TBCK: variants seen among roughly 807,000 people sequenced by gnomAD.
TBCK encodes the protein TBC1 domain containing kinase, also known as TBC domain-containing protein kinase-like protein.
A neutral mutation model predicts 113.4 loss-of-function variants in TBCK; 99 were observed. That is an observed-to-expected ratio of 0.87 (90% confidence interval 0.74 to 1.03). The LOEUF (loss-of-function observed/expected upper bound fraction) is 1.03. Ranked by LOEUF, TBCK falls within the 50% of genes least tolerant of loss-of-function variation. TBCK has a pLI of 0.00. For missense variants in TBCK, 1,045 were observed against 1,061.3 expected (o/e 0.98, Z 0.21); for synonymous variants, 369 against 370.8 (o/e 1.00, Z 0.05).
At chr4:106,207,185 GA>G (rs1364365520) in intron 20 of TBCK, among the ~76,000 whole-genome samples, 1 of 152,110 alleles carries the variant, frequency 6.6e-6, no homozygotes, top group Non-Finnish European at 1.5e-5. Context: ...TAACTACCAT[GA>G]AATGTATAAT....
chr4:106,247,131 A>C lies in TBCK; in HGVS notation c.931+8T>G. The C allele has an allele frequency of 6.2e-7, 1 of 1,606,564 alleles. No individual in the cohort carries two copies. ...CATATTATTCTCTATGCTTTAATTTATCATTACCTTTACACAACTGACTGA... is the reference window on the plus strand; with the variant it reads ...CATATTATTCTCTATGCTTTAATTTCTCATTACCTTTACACAACTGACTGA... On this transcript the variant is annotated splice_region_variant and intron_variant, in intron 10 of 25. Coordinates refer to ENST00000394708, the MANE Select transcript of TBCK (RefSeq NM_001163435.3).
chr4:106,097,771 T>G (rs1240264884), intron 24 of TBCK, among the ~76,000 whole-genome samples: 1 of 152,100 alleles, frequency 6.6e-6, no homozygotes, highest in Non-Finnish European at 1.5e-5. Context: ...GGTGAATACT[T>G]TTTTCACTTG....
chr4:106,115,096 TAATA>T (rs1216002384), intron 24 of TBCK, among the ~76,000 whole-genome samples: 26 of 152,234 alleles, frequency 1.7e-4, no homozygotes, highest in African/African-American at 6.3e-4. Context: ...ATGAATTACT[TAATA>T]AAGTCTGTAA....
At chr4:106,254,270 T>A (rs967945757) in intron 5 of TBCK, among the ~76,000 whole-genome samples, 1 of 152,190 alleles carries the variant, frequency 6.6e-6, no homozygotes, top group African/African-American at 2.4e-5. Context: ...ACAAGCACAG[T>A]AAACTAGCCT....
chr4:106,272,133 T>G (rs1763555430), intron 3 of TBCK, among the ~76,000 whole-genome samples: 1 of 148,284 alleles, frequency 6.7e-6, no homozygotes, highest in African/African-American at 2.4e-5. Flanking sequence ...GGTTTTAGAT[T>G]TAAACAGAAC....
At chr4:106,065,411 G>A (rs1736526152) in intron 25 of TBCK, among the ~76,000 whole-genome samples, 1 of 151,946 alleles carries the variant, frequency 6.6e-6, no homozygotes, top group Non-Finnish European at 1.5e-5. Flanking sequence ...TTTAAAAAAC[G>A]ATTATTTTTG....
intron 20 of TBCK, among the ~76,000 whole-genome samples, chr4:106,195,048 GTTTTCTGTATGTCACTTTTCT>G (rs1474762727): frequency 6.6e-6 from 1 of 151,958 alleles, no homozygotes; most frequent in Non-Finnish European, 1.5e-5. Context: ...CCTCACTTTT[GTTTTCTGTATGTCACTTTTCT>G]TTTTCTGTCC....
In TBCK at chr4:106,210,469, C is replaced by A. The variant is rs533233363; in HGVS notation, c.1860+2281G>T. ...TATCCAGAAAACAGTAATAGGCTAA[C>A]TTATAAGCTTTCAAGGAGGGTACAA... On this transcript the variant is annotated intron_variant, in intron 20 of 25. Coordinates refer to ENST00000394708, the MANE Select transcript of TBCK (RefSeq NM_001163435.3). Among the ~76,000 whole-genome samples, 38 of 152,210 alleles carry A rather than the reference C, an allele frequency of 2.5e-4. No individual in the cohort carries two copies. The South Asian group carries it at 7.7e-3, about 31-fold the overall frequency.
intron 19 of TBCK, among the ~76,000 whole-genome samples, chr4:106,219,567 A>G (rs918912560): frequency 6.6e-6 from 1 of 152,092 alleles, no homozygotes; most frequent in Non-Finnish European, 1.5e-5. Context: ...TCATTCTTCC[A>G]AAGTTACTAT....
intron 25 of TBCK, among the ~76,000 whole-genome samples, chr4:106,064,415 T>G (rs372074559): frequency 1.3e-5 from 2 of 151,736 alleles, no homozygotes; most frequent in African/African-American, 4.8e-5. Flanking sequence ...TTGTTTTGCT[T>G]TAAAGAATAA....
chr4:106,261,575 G>C (rs1225797041), intron 4 of TBCK, among the ~76,000 whole-genome samples: 1 of 152,060 alleles, frequency 6.6e-6, no homozygotes, highest in African/African-American at 2.4e-5. Context: ...TCTCTTTGAA[G>C]GGTTTACAAG....
intron 12 of TBCK, among the ~76,000 whole-genome samples, chr4:106,239,091 T>A (rs1327459878): frequency 6.6e-6 from 1 of 152,054 alleles, no homozygotes; most frequent in Non-Finnish European, 1.5e-5. Flanking sequence ...GAGAGGCCTG[T>A]CTTAAAGGGA....
chr4:106,050,335 C>G (rs888144844), intron 25 of TBCK, among the ~76,000 whole-genome samples: 1 of 151,856 alleles, frequency 6.6e-6, no homozygotes, highest in African/African-American at 2.4e-5. Flanking sequence ...ATGCAATTAA[C>G]AAATCTACTT....
intron 22 of TBCK, among the ~76,000 whole-genome samples, chr4:106,192,149 A>G (rs1375832539): frequency 6.6e-6 from 1 of 152,142 alleles, no homozygotes; most frequent in Non-Finnish European, 1.5e-5. Flanking sequence ...TGAATTTTTT[A>G]ACAGACAAGC....
chr4:106,100,747 A>G (rs916984619), intron 24 of TBCK, among the ~76,000 whole-genome samples: 1 of 152,118 alleles, frequency 6.6e-6, no homozygotes, highest in Non-Finnish European at 1.5e-5. Flanking sequence ...ATAAAACCCA[A>G]ATTTCTTAGC....
In TBCK at chr4:106,116,351, G is replaced by T. The variant is rs1214362285; in HGVS notation, c.2263C>A (p.Leu755Met). ...ATCCGTGGTGATACTTCTGACTTCA[G>T]GTCATTTAATGGGATGGATTCTCTT... Reference protein sequence around the residue: ...LSRESIPLNDLKSEVSPRISA... With the variant: ...LSRESIPLNDMKSEVSPRISA... Residue 755 changes from leucine to methionine, a missense_variant, in exon 24 of 26, where the codon CTG (leucine) becomes ATG (methionine). Physicochemically the swap from Leu to Met is conservative, Grantham distance 15. Transcript: ENST00000394708. 6.2e-7 allele frequency: 1 copy of T among 1,612,736 alleles called. No individual in the cohort carries two copies. Among genetic ancestry groups the T allele is most frequent in the East Asian group, 2.2e-5 (1 of 44,850 alleles).
chr4:106,129,562 A>G (rs1326058276), intron 23 of TBCK, among the ~76,000 whole-genome samples: 1 of 152,238 alleles, frequency 6.6e-6, no homozygotes, highest in Non-Finnish European at 1.5e-5. Context: ...AATGTATGTG[A>G]AGAATACAAA....
intron 19 of TBCK, among the ~76,000 whole-genome samples, chr4:106,227,963 T>C (rs1406545981): frequency 6.6e-6 from 1 of 151,972 alleles, no homozygotes; most frequent in African/African-American, 2.4e-5. Context: ...AATTTACATA[T>C]TATGTTTAAC....
At chr4:106,099,851 G>T (rs909826679) in intron 24 of TBCK, among the ~76,000 whole-genome samples, 2 of 152,078 alleles carry the variant, frequency 1.3e-5, no homozygotes, top group Non-Finnish European at 2.9e-5. Context: ...TATTGACAGA[G>T]AAAAAATTTA....
Sources: gnomAD v4.1 joint callset for allele counts (sites outside exome capture counted in the v4.1 genomes callset) on GRCh38, gnomAD v4.1.1 for gene constraint, MANE v1.5 for transcripts, NCBI Gene and HGNC (gene_info 2026-07-23, HGNC 2026-07-21) for gene names.